AHCYL2: variants seen among roughly 807,000 people sequenced by gnomAD.
AHCYL2 encodes S-adenosylhomocysteine hydrolase-like protein 2.
In AHCYL2, 28 loss-of-function variants were observed where a neutral mutation model predicts 81.4. The ratio of observed to expected loss-of-function variants is 0.34; its 90% CI spans 0.25 to 0.47. The LOEUF is 0.47. AHCYL2 is among the 20% of genes least tolerant of loss of function. The pLI, the probability that AHCYL2 is intolerant of heterozygous loss-of-function variation, is 1.00. For missense variants in AHCYL2, 551 were observed against 785.1 expected (o/e 0.70, Z 3.56); for synonymous variants, 272 against 290.2 (o/e 0.94, Z 0.64).
chr7:129,284,495 A>G (rs1226117674), intron 1 of AHCYL2, among the ~76,000 whole-genome samples: 1 of 151,142 alleles, frequency 6.6e-6, no homozygotes, highest in Non-Finnish European at 1.5e-5. Context: ...GCTGCTTGGT[A>G]GGCTGAGGCA....
chr7:129,331,939 A>G (rs945740016), intron 1 of AHCYL2, among the ~76,000 whole-genome samples: 2 of 151,804 alleles, frequency 1.3e-5, no homozygotes, highest in Non-Finnish European at 1.5e-5. Context: ...TTTTACATAT[A>G]AAGTAACTTG....
rs112450751 is a variant in AHCYL2 at position 129,253,390 on chromosome 7, C to A, written c.363+27951C>A. ...GAGCACTTACAAATATGAATTAATT[C>A]TTACGGTAGCACTGTGATAAGCAAT... is the stretch of plus-strand genomic sequence containing the variant. On this transcript the variant is annotated intron_variant, in intron 1 of 16. Transcript: ENST00000325006. 6.5e-3 allele frequency among the ~76,000 whole-genome samples: 995 copies of A among 152,262 alleles called. 11 individuals are homozygous for A. Among genetic ancestry groups the A allele is most frequent in the African/African-American group, 0.023 (945 of 41,554 alleles).
rs1795371761 is a variant in AHCYL2, at chr7:129,389,617, T to G, written c.620-17T>G. The stretch of plus-strand genomic sequence containing the variant: ...TCCTTCTTCTTTAATATTGCTGTAT[T>G]TATTGGGCCTTTTCAGAAATGCCTG... On this transcript the variant is annotated splice_polypyrimidine_tract_variant and intron_variant, in intron 3 of 16. Transcript: ENST00000325006. 6.3e-7 allele frequency: 1 copy of G among 1,584,956 alleles called. No homozygotes were observed. The highest frequency in any genetic ancestry group is 1.4e-5 in the African/African-American group (1 of 73,602).
intron 1 of AHCYL2, among the ~76,000 whole-genome samples, chr7:129,336,157 TC>T (rs750837726): frequency 3.7e-4 from 52 of 142,042 alleles, no homozygotes; most frequent in Non-Finnish European, 4.3e-4. Context: ...CAACCTCTAC[TC>T]CCAGGTTCAA....
At chr7:129,400,739 C>A (rs939840564) in intron 6 of AHCYL2, among the ~76,000 whole-genome samples, 2 of 152,114 alleles carry the variant, frequency 1.3e-5, no homozygotes, top group Admixed American at 6.5e-5. Context: ...AACCAAAAAA[C>A]CCAAACAAAC....
In AHCYL2 at chr7:129,379,703, T is replaced by C; in HGVS notation, c.429T>C (p.Ser143=). Residue 143 remains serine (S), a synonymous_variant, in exon 2 of 17, where the codon TCT becomes TCC. Transcript: ENST00000325006. ...GTCCCACCAAAATTGGACGTCGCTCTTTGTCTCGTTCCATTTCTCAGTCAT... is the reference window on the plus strand; with the variant it reads ...GTCCCACCAAAATTGGACGTCGCTCCTTGTCTCGTTCCATTTCTCAGTCAT... The part of the protein sequence containing the change: ...NKRPTKIGRR[S]LSRSISQSST... 3 of 1,614,156 alleles carry C rather than the reference T, an allele frequency of 1.9e-6. No homozygotes were observed. Among genetic ancestry groups the C allele is most frequent in the Non-Finnish European group, 2.5e-6 (3 of 1,180,014 alleles).
chr7:129,378,355 A>C (rs1263921741), intron 1 of AHCYL2, among the ~76,000 whole-genome samples: 1 of 152,204 alleles, frequency 6.6e-6, no homozygotes, highest in Non-Finnish European at 1.5e-5. Flanking sequence ...AAAGCTAACT[A>C]ATATATTTTA....
chr7:129,243,453 A>G (rs1794937075), intron 1 of AHCYL2, among the ~76,000 whole-genome samples: 1 of 152,136 alleles, frequency 6.6e-6, no homozygotes, highest in African/African-American at 2.4e-5. Context: ...GATTTTTTAA[A>G]ATCATTTGTC....
chr7:129,364,948 C>A (rs546342802), intron 1 of AHCYL2, among the ~76,000 whole-genome samples: 2 of 152,272 alleles, frequency 1.3e-5, no homozygotes, highest in East Asian at 3.9e-4. Context: ...ATAAAATGGA[C>A]ATAAACATAT....
chr7:129,281,150 A>G (rs958030354), intron 1 of AHCYL2, among the ~76,000 whole-genome samples: 13 of 152,126 alleles, frequency 8.5e-5, no homozygotes, highest in African/African-American at 1.7e-4. Context: ...GGCATGAGCC[A>G]CCACACCCGG....
intron 11 of AHCYL2, among the ~76,000 whole-genome samples, chr7:129,412,713 C>T (rs149751946): frequency 6.2e-4 from 95 of 152,304 alleles, no homozygotes; most frequent in African/African-American, 1.7e-3. Context: ...TCCTAGTGAG[C>T]GTAGAGTGGT....
intron 5 of AHCYL2, 122 bp from the exon 6 acceptor site, chr7:129,400,168 T>C: frequency 2.6e-6 from 2 of 774,908 alleles, no homozygotes; most frequent in South Asian, 3.9e-5. Flanking sequence ...AGAATGTCAA[T>C]CCAAGGAGTA....
rs192672416 is a variant in AHCYL2 at position 129,314,979 on chromosome 7, C to T, written c.364-64659C>T. 1.2e-3 allele frequency among the ~76,000 whole-genome samples: 188 copies of T among 152,176 alleles called. 1 individual carries two copies. Among genetic ancestry groups the T allele is most frequent in the Admixed American group, 3.9e-3 (60 of 15,276 alleles). On this transcript the variant is annotated intron_variant, in intron 1 of 16. Transcript: ENST00000325006. ...TCCTGTTAGATTAAGATACTAATGC[C>T]TATTTAACAGGGTTATGGTAACCAT...
chr7:129,274,891 T>A (rs1252022756), intron 1 of AHCYL2, among the ~76,000 whole-genome samples: 2 of 152,180 alleles, frequency 1.3e-5, no homozygotes, highest in Non-Finnish European at 2.9e-5. Context: ...TTCAGACTTA[T>A]GGCACATGTT....
At chr7:129,377,213 T>C (rs1026167200) in intron 1 of AHCYL2, among the ~76,000 whole-genome samples, 2 of 152,206 alleles carry the variant, frequency 1.3e-5, no homozygotes, top group Non-Finnish European at 2.9e-5. Flanking sequence ...TGGTAAGTGC[T>C]GTGCTAGGAG....
intron 1 of AHCYL2, among the ~76,000 whole-genome samples, chr7:129,346,267 A>C (rs1793358810): frequency 6.6e-6 from 1 of 152,166 alleles, no homozygotes; most frequent in Non-Finnish European, 1.5e-5. Flanking sequence ...GCTGTTTCCT[A>C]CTATGTGCCT....
intron 2 of AHCYL2, among the ~76,000 whole-genome samples, chr7:129,381,306 C>T (rs1056887946): frequency 2.6e-5 from 4 of 152,034 alleles, no homozygotes; most frequent in Non-Finnish European, 5.9e-5. Context: ...CCTTCCCACC[C>T]AGTCCCCATA....
intron 10 of AHCYL2, among the ~76,000 whole-genome samples, chr7:129,407,157 C>G (rs1346810966): frequency 6.6e-6 from 1 of 152,000 alleles, no homozygotes; most frequent in African/African-American, 2.4e-5. Flanking sequence ...CGAGACCAGC[C>G]TTGGCAACAT....
intron 1 of AHCYL2, among the ~76,000 whole-genome samples, chr7:129,294,992 G>A (rs1385931014): frequency 1.3e-5 from 2 of 152,186 alleles, no homozygotes; most frequent in African/African-American, 4.8e-5. Flanking sequence ...TGGTTCTCAG[G>A]AGTTGTGTGG....
Sources: allele counts gnomAD v4.1 joint callset (sites outside exome capture counted in the v4.1 genomes callset), GRCh38; gene constraint gnomAD v4.1.1; transcripts MANE v1.5; gene names NCBI Gene and HGNC (gene_info 2026-07-23, HGNC 2026-07-21).